FRY: variants seen among roughly 807,000 people sequenced by gnomAD.
FRY encodes the protein protein furry homolog.
A neutral mutation model predicts 348.4 loss-of-function variants in FRY; 128 were observed. The observed-to-expected ratio is 0.37, with a 90% CI of 0.32 to 0.43. The LOEUF is 0.43. Among genes scored for constraint, FRY ranks in the 20% least tolerant of loss-of-function variants. FRY has a pLI of 1.00. For synonymous variants in FRY, 1,370 were observed against 1,374.7 expected (o/e 1.00, Z 0.08); for missense variants, 2,736 against 3,695.2 (o/e 0.74, Z 6.73).
At chr13:32,127,076 A>G (rs1454415122) in intron 7 of FRY, among the ~76,000 whole-genome samples, 5 of 152,314 alleles carry the variant, frequency 3.3e-5, no homozygotes, top group African/African-American at 1.2e-4. Context: ...TTATTCACCC[A>G]TAATATTGAC....
intron 3 of FRY, among the ~76,000 whole-genome samples, chr13:32,105,879 C>T (rs1204390353): frequency 6.6e-6 from 1 of 151,804 alleles, no homozygotes; most frequent in Non-Finnish European, 1.5e-5. Flanking sequence ...TCCTGAATGG[C>T]CCTTTTTACT....
chr13:32,205,048 CA>C (rs768516359), intron 31 of FRY, among the ~76,000 whole-genome samples: 5 of 151,914 alleles, frequency 3.3e-5, no homozygotes, highest in African/African-American at 4.8e-5. Flanking sequence ...ACTAAAAATA[CA>C]AAAATTAGCT....
chr13:32,090,175 C>G (rs1036181255), intron 2 of FRY, among the ~76,000 whole-genome samples: 8 of 151,694 alleles, frequency 5.3e-5, no homozygotes, highest in Admixed American at 5.2e-4. Flanking sequence ...GGTGGAACCC[C>G]GTCTCTACTA....
chr13:32,283,571 G>A (rs994366920), intron 58 of FRY, among the ~76,000 whole-genome samples: 1 of 152,216 alleles, frequency 6.6e-6, no homozygotes, highest in African/African-American at 2.4e-5. Context: ...TGAGGGATAT[G>A]TTGGAGGAAA....
intron 29 of FRY, among the ~76,000 whole-genome samples, chr13:32,200,656 A>G (rs532803922): frequency 2.0e-5 from 3 of 152,250 alleles, no homozygotes; most frequent in African/African-American, 7.2e-5. Context: ...CTTTTCCACT[A>G]TAATCTAAGA....
Position 32,186,397 on chromosome 13 carries a change from A to G in FRY, c.3457A>G (p.Arg1153Gly). 6.2e-7 allele frequency: 1 copy of G among 1,608,132 alleles called. No individual in the cohort carries two copies. The highest frequency in any genetic ancestry group is 8.5e-7 in the Non-Finnish European group (1 of 1,174,448). ...CAGTGACAGAAATCATCAGATTACAAGATATCAGTATTGTGCATTAAAAGT... is the reference window on the plus strand; with the variant it reads ...CAGTGACAGAAATCATCAGATTACAGGATATCAGTATTGTGCATTAAAAGT... ...RYSDRNHQIT[R>G]YQYCALKAMS... Residue 1153 changes from arginine to glycine, a missense_variant, in exon 27 of 61, where the codon AGA becomes GGA. This residue lies in a region of FRY where 33 missense variants were observed against 86.7 expected (regional missense o/e 0.38). Transcript: ENST00000542859.
chr13:32,182,344 A>C (rs1882765799), intron 23 of FRY, among the ~76,000 whole-genome samples: 1 of 152,350 alleles, frequency 6.6e-6, no homozygotes, highest in Admixed American at 6.5e-5. Context: ...ATAAAAGAAA[A>C]GGTTTTGATG....
Position 32,175,565 on chromosome 13 carries a change from T to C in FRY, c.2354T>C (p.Ile785Thr). The C allele has an allele frequency of 6.2e-7, 1 of 1,611,390 alleles. No individual in the cohort carries two copies. The highest frequency in any genetic ancestry group is 8.5e-7 in the Non-Finnish European group (1 of 1,177,532). Residue 785 changes from isoleucine (I) to threonine (T), a missense_variant, in exon 20 of 61, where the codon ATT (isoleucine) becomes ACT (threonine). Transcript: ENST00000542859. The stretch of plus-strand genomic sequence containing the variant: ...GTACAGGATGACGACAGGCCGATGA[T>C]TGATGTCATGGATCAGCTAAGTTCT... ...GQPEDDDRPMIDVMDQLSSSI... is the reference protein window; with the variant it reads ...GQPEDDDRPMTDVMDQLSSSI...
intron 11 of FRY, among the ~76,000 whole-genome samples, chr13:32,138,136 T>A (rs1346997836): frequency 6.6e-6 from 1 of 151,232 alleles, no homozygotes; most frequent in Non-Finnish European, 1.5e-5. Flanking sequence ...TGTTTTGTTT[T>A]GTTTTTTTGT....
intron 1 of FRY, among the ~76,000 whole-genome samples, chr13:32,053,338 T>C (rs1425867553): frequency 6.6e-6 from 1 of 152,250 alleles, no homozygotes; most frequent in Non-Finnish European, 1.5e-5. Flanking sequence ...CTATGCTTAG[T>C]AATGACTTCT....
chr13:32,135,220 A>G, intron 10 of FRY, 37 bp downstream of exon 10: 1 of 1,192,630 alleles, frequency 8.4e-7, no homozygotes, highest in Non-Finnish European at 1.3e-6. Context: ...CACAAACAAA[A>G]CTGCACAGAC....
rs1886298161 is a variant in FRY at position 32,237,876 on chromosome 13, T to A, written c.6308T>A (p.Leu2103Gln). ...GCCGACTTCTCCGGGCTGCAGCAGCTGCTGCTGAAAGGATTCACATCCCTC... is the reference window on the plus strand; with the variant it reads ...GCCGACTTCTCCGGGCTGCAGCAGCAGCTGCTGAAAGGATTCACATCCCTC... ...KWADFSGLQQLLLKGFTSLTT... is the reference protein window; with the variant it reads ...KWADFSGLQQQLLKGFTSLTT... Residue 2103 changes from leucine to glutamine, a missense_variant, in exon 44 of 61, where the codon CTG (leucine) becomes CAG (glutamine). Around this residue, in one of 9 missense-constraint regions of FRY, gnomAD observed 789 missense variants for 996.2 expected, o/e 0.79. Transcript: ENST00000542859. This position sits in a 1 kb window ranked among gnomAD's most constrained non-coding sequence, Gnocchi z 6.3. 4 of 1,614,050 alleles carry A rather than the reference T, an allele frequency of 2.5e-6. No individual in the cohort carries two copies. The East Asian group carries it at 8.9e-5, about 36-fold the overall frequency.
At chr13:32,100,416 T>C (rs1877077257) in intron 2 of FRY, among the ~76,000 whole-genome samples, 1 of 152,070 alleles carries the variant, frequency 6.6e-6, no homozygotes. Context: ...AAGATAAATA[T>C]TAAATTTTTC....
At chr13:32,267,898 G>A (rs1386026957) in intron 55 of FRY, among the ~76,000 whole-genome samples, 3 of 152,134 alleles carry the variant, frequency 2.0e-5, no homozygotes, top group Non-Finnish European at 2.9e-5. Flanking sequence ...GGAACATGCC[G>A]CCTACTTGGT....
At chr13:32,150,073 C>T (rs1880705798) in intron 14 of FRY, among the ~76,000 whole-genome samples, 1 of 152,150 alleles carries the variant, frequency 6.6e-6, no homozygotes, top group Non-Finnish European at 1.5e-5. Context: ...TCTTGTAAAA[C>T]AAAGTAATTC....
chr13:32,045,981 G>A (rs938241813), intron 1 of FRY, among the ~76,000 whole-genome samples: 4 of 152,164 alleles, frequency 2.6e-5, no homozygotes, highest in Non-Finnish European at 4.4e-5. Flanking sequence ...TACTTATGAA[G>A]TGTACACACT....
At chr13:32,037,337 C>T (rs556005146) in intron 1 of FRY, among the ~76,000 whole-genome samples, 14 of 152,134 alleles carry the variant, frequency 9.2e-5, no homozygotes, top group Non-Finnish European at 1.8e-4. Context: ...GTTTGCTTGC[C>T]TTGCTGAGCG....
chr13:32,114,016 A>G (rs1447749285), intron 3 of FRY, among the ~76,000 whole-genome samples: 1 of 152,214 alleles, frequency 6.6e-6, no homozygotes, highest in African/African-American at 2.4e-5. Flanking sequence ...AAATTATTAT[A>G]GATGAAGTCT....
intron 14 of FRY, among the ~76,000 whole-genome samples, chr13:32,153,948 T>C (rs1437161172): frequency 6.6e-6 from 1 of 152,178 alleles, no homozygotes; most frequent in Non-Finnish European, 1.5e-5. Context: ...ATTTTTGAAG[T>C]TAACTTCAAA....
Sources: gnomAD v4.1 joint callset for allele counts (sites outside exome capture counted in the v4.1 genomes callset) on GRCh38, gnomAD v4.1.1 for gene constraint, gnomAD v4.1.1 regional missense constraint, Gnocchi (gnomAD v3.1) non-coding constraint, MANE v1.5 for transcripts, NCBI Gene and HGNC (gene_info 2026-07-23, HGNC 2026-07-21) for gene names.